UNC5C: variants seen among roughly 807,000 people sequenced by gnomAD.
UNC5C encodes netrin receptor UNC5C.
UNC5C carries 47 observed loss-of-function variants against 99.8 expected under a neutral mutation model. The ratio of observed to expected loss-of-function variants is 0.47; its 90% CI spans 0.37 to 0.60. The LOEUF (loss-of-function observed/expected upper bound fraction) is 0.60, where lower values mean the gene tolerates loss of function less well. UNC5C is among the 20% of genes least tolerant of loss of function. UNC5C has a pLI of 0.00. For synonymous variants in UNC5C, 487 were observed against 452.2 expected, an observed-to-expected ratio of 1.08 and a Z score of -0.98; for missense variants, 1,062 against 1,165.9, an observed-to-expected ratio of 0.91 and a Z score of 1.30.
chr4:95,546,134 GC>G (rs1361329323), intron 1 of UNC5C, among the ~76,000 whole-genome samples: 2 of 152,168 alleles, frequency 1.3e-5, no homozygotes, highest in South Asian at 2.1e-4. Flanking sequence ...ATTGTAAAGT[GC>G]TTAAAGTAAC....
chr4:95,229,797 CTTTTTTTTTTTT>C (rs71583694), intron 7 of UNC5C, among the ~76,000 whole-genome samples: 19 of 79,548 alleles, frequency 2.4e-4, no homozygotes, highest in East Asian at 1.9e-3. Flanking sequence ...CTGTTGTTTC[CTTTTTTTTTTTT>C]TTTTTTTTTT....
chr4:95,307,336 T>C (rs1307789601), intron 2 of UNC5C, among the ~76,000 whole-genome samples: 1 of 152,124 alleles, frequency 6.6e-6, no homozygotes, highest in East Asian at 1.9e-4. Context: ...AACTTGCTGG[T>C]GTATTAGCTT....
intron 2 of UNC5C, among the ~76,000 whole-genome samples, chr4:95,306,587 T>C (rs1300521553): frequency 6.6e-6 from 1 of 152,230 alleles, no homozygotes; most frequent in Non-Finnish European, 1.5e-5. Flanking sequence ...TTCATGATAG[T>C]GAATTTGCGC....
chr4:95,275,723 A>G (rs1427204077), intron 4 of UNC5C, among the ~76,000 whole-genome samples: 1 of 152,226 alleles, frequency 6.6e-6, no homozygotes, highest in Non-Finnish European at 1.5e-5. Context: ...AAAAGGAATT[A>G]CTGCTTCCTG....
At chr4:95,457,536 C>T (rs777001635) in intron 1 of UNC5C, among the ~76,000 whole-genome samples, 11 of 152,084 alleles carry the variant, frequency 7.2e-5, no homozygotes, top group East Asian at 3.9e-4. Flanking sequence ...CAAGAGCACA[C>T]GGCTGAACGG....
intron 4 of UNC5C, among the ~76,000 whole-genome samples, chr4:95,254,882 G>A (rs998601011): frequency 2.6e-5 from 4 of 152,032 alleles, no homozygotes; most frequent in Non-Finnish European, 5.9e-5. Flanking sequence ...AAATTCCAAT[G>A]TCTAGCTTTA....
chr4:95,261,111 A>C (rs1176341307), intron 4 of UNC5C, among the ~76,000 whole-genome samples: 1 of 152,184 alleles, frequency 6.6e-6, no homozygotes, highest in African/African-American at 2.4e-5. Context: ...TACAGACTTC[A>C]GCCTTGACAG....
chr4:95,394,570 A>C (rs1009185242), intron 1 of UNC5C, among the ~76,000 whole-genome samples: 2 of 152,158 alleles, frequency 1.3e-5, no homozygotes, highest in Non-Finnish European at 2.9e-5. Context: ...AGTACTTCCC[A>C]ACAGATATTG....
intron 4 of UNC5C, among the ~76,000 whole-genome samples, chr4:95,251,691 T>A (rs962025015): frequency 3.3e-5 from 5 of 152,146 alleles, no homozygotes; most frequent in Non-Finnish European, 7.3e-5. Flanking sequence ...TAACCTTTAG[T>A]GGTAGGGAGT....
chr4:95,328,143 C>T (rs1432634880), intron 2 of UNC5C, among the ~76,000 whole-genome samples: 2 of 110,638 alleles, frequency 1.8e-5, no homozygotes, highest in African/African-American at 6.3e-5. Flanking sequence ...TATACATGTG[C>T]CATGCTGGTG....
intron 1 of UNC5C, among the ~76,000 whole-genome samples, chr4:95,362,130 A>T (rs913063378): frequency 1.2e-4 from 18 of 152,078 alleles, no homozygotes; most frequent in Non-Finnish European, 1.9e-4. Flanking sequence ...TAAATGAGGA[A>T]TGATGTCAGG....
intron 1 of UNC5C, among the ~76,000 whole-genome samples, chr4:95,379,606 T>C (rs905786680): frequency 6.6e-6 from 1 of 152,162 alleles, no homozygotes; most frequent in Non-Finnish European, 1.5e-5. Flanking sequence ...ATATCCCCAG[T>C]GGACTCTGGA....
At chr4:95,515,252 G>A (rs1011663904) in intron 1 of UNC5C, among the ~76,000 whole-genome samples, 2 of 152,000 alleles carry the variant, frequency 1.3e-5, no homozygotes, top group Non-Finnish European at 2.9e-5. Context: ...CTTAATTATA[G>A]TACATGCTGC....
At chr4:95,179,485 G>A (rs563318466) in intron 14 of UNC5C, among the ~76,000 whole-genome samples, 2 of 152,162 alleles carry the variant, frequency 1.3e-5, no homozygotes, top group African/African-American at 2.4e-5. Flanking sequence ...GGTGGCTCAC[G>A]CCTATAATCC....
intron 7 of UNC5C, among the ~76,000 whole-genome samples, chr4:95,233,935 C>T (rs1250130669): frequency 6.6e-6 from 1 of 150,400 alleles, no homozygotes; most frequent in Non-Finnish European, 1.5e-5. Context: ...GACTCCATCA[C>T]ATTTAAAAAA....
At chr4:95,281,527 G>A (rs1741060167) in intron 3 of UNC5C, among the ~76,000 whole-genome samples, 1 of 152,172 alleles carries the variant, frequency 6.6e-6, no homozygotes. Context: ...AACCATGAGG[G>A]ATGATGGGGT....
intron 1 of UNC5C, among the ~76,000 whole-genome samples, chr4:95,505,109 G>C (rs1177567007): frequency 1.3e-5 from 2 of 151,984 alleles, no homozygotes; most frequent in African/African-American, 4.8e-5. Flanking sequence ...TCAGAATTTT[G>C]CTCCCTGCTT....
chr4:95,169,741 G>A (rs1289530202), intron 15 of UNC5C, among the ~76,000 whole-genome samples: 11 of 128,658 alleles, frequency 8.5e-5, no homozygotes, highest in Non-Finnish European at 2.0e-4. Context: ...TGGTAGTGAC[G>A]GTGACACTCC....
At chr4:95,347,639 C>T (rs1743827161) in intron 1 of UNC5C, among the ~76,000 whole-genome samples, 2 of 151,910 alleles carry the variant, frequency 1.3e-5, no homozygotes, top group Admixed American at 6.6e-5. Context: ...CCAAGGGTGC[C>T]AGACATATAC....
Sources: gnomAD v4.1 joint callset for allele counts (sites outside exome capture counted in the v4.1 genomes callset) on GRCh38, gnomAD v4.1.1 for gene constraint, MANE v1.5 for transcripts, NCBI Gene and HGNC (gene_info 2026-07-23, HGNC 2026-07-21) for gene names.